The following EIF1AX variants were observed in gnomAD, a reference collection of about 807,000 sequenced individuals.
EIF1AX encodes the protein eukaryotic translation initiation factor 1A, X-chromosomal.
In EIF1AX, 1 loss-of-function variant was observed where a neutral mutation model predicts 16.1. The observed-to-expected ratio is 0.06, with a 90% confidence interval of 0.02 to 0.30. EIF1AX has a LOEUF of 0.30. Ranked by LOEUF, EIF1AX falls within the 10% of genes least tolerant of loss-of-function variation. The probability of loss-of-function intolerance (pLI) is 1.00; values close to 1 mark genes in which losing one functional copy is unlikely to be tolerated. For synonymous variants in EIF1AX, 32 were observed against 37.3 expected, an observed-to-expected ratio of 0.86 and a Z score of 0.51; for missense variants, 11 against 109.1, an observed-to-expected ratio of 0.10 and a Z score of 4.00.
intron 4 of EIF1AX, among the ~76,000 whole-genome samples, chrX:20,133,089 C>T (rs1019548896): frequency 1.3e-4 from 14 of 111,486 alleles, no homozygotes; most frequent in Admixed American, 1.2e-3. Flanking sequence ...AGGAGGGGCA[C>T]GGAAAGATCA....
intron 2 of EIF1AX, 47 bp from the exon 3 acceptor site, chrX:20,135,888 A>ACTTTTGT: frequency 1.1e-6 from 1 of 938,162 alleles, no homozygotes. Flanking sequence ...TCAACTTTTG[A>ACTTTTGT]TAACAGCAAC....
At chrX:20,130,174 G>A (rs2066996920) in intron 6 of EIF1AX, among the ~76,000 whole-genome samples, 4 of 107,855 alleles carry the variant, frequency 3.7e-5, no homozygotes, top group South Asian at 4.1e-4. Context: ...GTGGTGGCAC[G>A]CGCCTGTAGT....
chrX:20,139,663 G>A (rs919649101), intron 1 of EIF1AX, among the ~76,000 whole-genome samples: 2 of 111,152 alleles, frequency 1.8e-5, no homozygotes, highest in Admixed American at 1.9e-4. Context: ...CATGGGAAGA[G>A]CTTGGAAGCA....
intron 1 of EIF1AX, among the ~76,000 whole-genome samples, chrX:20,139,452 T>A (rs545617258): frequency 8.9e-6 from 1 of 111,940 alleles, no homozygotes; most frequent in South Asian, 3.7e-4. Context: ...GTAAGTCGCT[T>A]AGCTTCAGTG....
chrX:20,140,687 A>G (rs1357654411), intron 1 of EIF1AX, among the ~76,000 whole-genome samples: 2 of 111,865 alleles, frequency 1.8e-5, no homozygotes, highest in African/African-American at 3.2e-5. Context: ...ATCAAAGGAG[A>G]CTACTTACGG....
rs186888373 is a variant in EIF1AX at position 20,135,608 on chromosome X, G to A, written c.204+130C>T. ...TACAGACCTTGCTATTTTACTTATA[G>A]GTAAATCACTGTTTACCAAGGTAAG... On this transcript the variant is annotated intron_variant, in intron 3 of 6. Coordinates refer to ENST00000379607, the MANE Select transcript of EIF1AX (RefSeq NM_001412.4). 1.0e-3 allele frequency: 467 copies of A among 449,700 alleles called. 2 individuals are homozygous for A. The highest frequency in any genetic ancestry group is 1.6e-3 in the Non-Finnish European group (415 of 254,491). The allele number at this position is 449,700 out of a possible 1,213,427, so 37.1% of individuals were successfully genotyped here. A position where few individuals can be genotyped will look rare whatever the true frequency, so the allele number is the denominator to read the frequency against.
chrX:20,140,840 TTTTTTG>T (rs1430824449), intron 1 of EIF1AX, among the ~76,000 whole-genome samples: 2 of 110,204 alleles, frequency 1.8e-5, no homozygotes, highest in Non-Finnish European at 3.8e-5. Context: ...GAGTGTTCTG[TTTTTTG>T]TTTTTGTTTT....
chrX:20,135,548 CTTCT>C lies in EIF1AX; in HGVS notation c.204+186_204+189del, dbSNP rs2067014168. ...GAATACAATACAAGTGATACAAATG[CTTCT>C]TTAACATTAGAACCTGTATAAAATT... On this transcript the variant is annotated intron_variant, in intron 3 of 6. Coordinates refer to ENST00000379607, the MANE Select transcript of EIF1AX (RefSeq NM_001412.4). Among the ~76,000 whole-genome samples the C allele has an allele frequency of 5.4e-5, 6 of 111,980 alleles. No individual in the cohort carries two copies. The Admixed American group carries it at 5.7e-4, about 11-fold the overall frequency.
At chrX:20,130,965 C>T (rs923228905) in intron 5 of EIF1AX, among the ~76,000 whole-genome samples, 1 of 112,166 alleles carries the variant, frequency 8.9e-6, no homozygotes, top group Non-Finnish European at 1.9e-5. Flanking sequence ...ATCATGATTA[C>T]CCCTAAGCAA....
chrX:20,136,040 A>C (rs5955887), intron 2 of EIF1AX, 199 bp from the exon 3 acceptor site: 18,081 of 389,770 alleles, frequency 0.046, 1,220 homozygotes, highest in African/African-American at 0.29. Flanking sequence ...CTCTATGATG[A>C]CATTTCTTTC....
At position 20,125,647 on chromosome X, in the gene EIF1AX, CT is replaced by C. The variant is rs2066983083; in HGVS notation, c.*2658del. ...ATCTAGCTATTTTACTCAAAACATG[CT>C]TTTACCTATTTGATTACTCAGAGTT... On this transcript the variant is annotated 3_prime_UTR_variant, in exon 7 of 7. Transcript: ENST00000379607. 6.1e-6 allele frequency: 1 copy of C among 163,830 alleles called. No homozygotes were observed. Among genetic ancestry groups the C allele is most frequent in the Non-Finnish European group, 1.2e-5 (1 of 84,954 alleles). The allele number at this position is 163,830 out of a possible 1,213,427, so 13.5% of individuals were successfully genotyped here. A position where few individuals can be genotyped will look rare whatever the true frequency, so the allele number is the denominator to read the frequency against.
At chrX:20,130,302 C>CA (rs773734086) in intron 6 of EIF1AX, among the ~76,000 whole-genome samples, 516 of 28,437 alleles carry the variant, frequency 0.018, 36 homozygotes, top group East Asian at 0.03. Context: ...AACTCCATCA[C>CA]AAAAAAAAAA....
At chrX:20,129,203 T>A (rs1218240323) in intron 6 of EIF1AX, among the ~76,000 whole-genome samples, 1 of 112,032 alleles carries the variant, frequency 8.9e-6, no homozygotes, top group African/African-American at 3.2e-5. Context: ...GTAATTTAAC[T>A]CACAGTGTGA....
chrX:20,139,763 T>A (rs750344956), intron 1 of EIF1AX, among the ~76,000 whole-genome samples: 1 of 111,723 alleles, frequency 9.0e-6, no homozygotes, highest in Non-Finnish European at 1.9e-5. Flanking sequence ...TTTCAGACAG[T>A]ACAGGAATGA....
intron 2 of EIF1AX, 37 bp downstream of exon 2, chrX:20,138,502 T>C (rs979436307): frequency 7.7e-6 from 8 of 1,043,637 alleles, no homozygotes; most frequent in Admixed American, 4.4e-5. Flanking sequence ...AAAGAAAGGA[T>C]GTTATTTTAA....
chrX:20,141,577 G>A, intron 1 of EIF1AX, 48 bp downstream of exon 1: 2 of 1,142,754 alleles, frequency 1.8e-6, no homozygotes, highest in Non-Finnish European at 2.3e-6. Flanking sequence ...CAGGACCTGG[G>A]AGACCCGGCC....
intron 1 of EIF1AX, chrX:20,140,485 T>C (rs1359652340): frequency 8.9e-6 from 1 of 112,367 alleles, no homozygotes; most frequent in Admixed American, 9.5e-5. Flanking sequence ...TATAACTCCA[T>C]CTTTTCCAAA....
intron 1 of EIF1AX, chrX:20,140,104 T>C (rs1225874836): frequency 2.7e-5 from 3 of 112,322 alleles, no homozygotes; most frequent in Non-Finnish European, 5.6e-5. Flanking sequence ...CAGAGTTGTT[T>C]TGGAGAAATT....
At position 20,141,774 on chromosome X, in the gene EIF1AX, G is replaced by C. The variant is rs1010536996; in HGVS notation, c.-134C>G. The stretch of plus-strand genomic sequence containing the variant: ...TGCTGGAGGCCAGGCAACGTGCGCG[G>C]GAGAGGCTGGCGACCCAGCTCTTCA... On this transcript the variant is annotated 5_prime_UTR_variant, in exon 1 of 7. Coordinates refer to ENST00000379607, the MANE Select transcript of EIF1AX (RefSeq NM_001412.4). 10 of 646,169 alleles carry C rather than the reference G, an allele frequency of 1.5e-5. No individual in the cohort carries two copies. In the East Asian group the frequency reaches 3.9e-4, roughly 25 times the overall value. 53.3% of individuals were successfully genotyped at this position (646,169 alleles called of 1,213,427 possible). A position where few individuals can be genotyped will look rare whatever the true frequency, so the allele number is the denominator to read the frequency against.
Sources: allele counts gnomAD v4.1 joint callset (sites outside exome capture counted in the v4.1 genomes callset), GRCh38; gene constraint gnomAD v4.1.1; transcripts MANE v1.5; gene names NCBI Gene and HGNC (gene_info 2026-07-23, HGNC 2026-07-21).